Variants in ZNF630 observed in about 807,000 individuals in gnomAD.
ZNF630 encodes the protein zinc finger protein 630, also known as dJ54B20.2 (novel KRAB box containing C2H2 type zinc finger protein).
In ZNF630, 5 loss-of-function variants were observed where a neutral mutation model predicts 7.2. The observed-to-expected ratio is 0.70, with a 90% CI of 0.36 to 1.46. ZNF630 has a LOEUF of 1.46. Among genes scored for constraint, ZNF630 ranks in the 40% most tolerant of loss-of-function variants. The pLI is 0.03. For synonymous variants in ZNF630, 158 were observed against 162.8 expected (o/e 0.97, Z 0.23); for missense variants, 461 against 477.0 (o/e 0.97, Z 0.31).
intron 2 of ZNF630, among the ~76,000 whole-genome samples, chrX:48,063,642 C>A (rs1556909570): frequency 9.0e-6 from 1 of 111,159 alleles, no homozygotes; most frequent in Admixed American, 9.6e-5. Context: ...AATCCCAGCA[C>A]TTTGGGAGGC....
chrX:48,063,525 C>T (rs1040597598), intron 2 of ZNF630, among the ~76,000 whole-genome samples: 1 of 110,788 alleles, frequency 9.0e-6, no homozygotes, highest in Non-Finnish European at 1.9e-5. Context: ...GGAGGGGGAA[C>T]CTTGGGAAAC....
chrX:48,066,918 C>A lies in ZNF630; in HGVS notation c.-32G>T. 8.3e-7 allele frequency: 1 copy of A among 1,197,929 alleles called. No homozygotes were observed. The highest frequency in any genetic ancestry group is 1.1e-6 in the Non-Finnish European group (1 of 885,574). ...TTTCTCTTTGGAAAGCAGTTGGGGG[C>A]GGGGTGGGGTGCAGAAGAGTCTTCG... On this transcript the variant is annotated 5_prime_UTR_variant, in exon 2 of 5. Transcript: ENST00000276054.
In ZNF630 at chrX:48,060,029, T is replaced by G; in HGVS notation, c.413A>C (p.Gln138Pro). Residue 138 changes from glutamine to proline, a missense_variant, in exon 5 of 5, where the codon CAG becomes CCG. Coordinates refer to ENST00000276054, the MANE Select transcript of ZNF630 (RefSeq NM_001282201.2). ...YQGNQDRVLRQVTVISRETLT... is the reference protein window; with the variant it reads ...YQGNQDRVLRPVTVISRETLT... ...TGTTTCACGACTGATGACTGTGACC[T>G]GCCTCAAAACTCTGTCTTGATTTCC... The G allele has an allele frequency of 8.3e-7, 1 of 1,205,682 alleles. No homozygotes were observed. Among genetic ancestry groups the G allele is most frequent in the African/African-American group, 1.8e-5 (1 of 56,606 alleles).
Position 48,060,844 on chromosome X carries a change from C to T in ZNF630, c.117G>A (p.Glu39=), listed in dbSNP as rs782575275. The change falls in exon 3 of 5, where the codon GAG becomes GAA. Residue 39 remains glutamate (E), a synonymous_variant. Transcript: ENST00000276054. ...QKTLHRDVML[E]TYNHLVSVGC... ...CCACGGAGACCAGGTGATTATAGGT[C>T]TCCAGCATCACATCCCTATGCAGGG... 6.7e-6 allele frequency: 8 copies of T among 1,202,207 alleles called. No individual in the cohort carries two copies. The highest frequency in any genetic ancestry group is 2.3e-4 in the Middle Eastern group (1 of 4,362).
Position 48,070,079 on chromosome X carries a change from C to T in ZNF630, c.-176+1188G>A, listed in dbSNP as rs781864909. 7.2e-3 allele frequency among the ~76,000 whole-genome samples: 766 copies of T among 106,565 alleles called. 8 individuals carry two copies. The highest frequency in any genetic ancestry group is 0.011 in the Non-Finnish European group (591 of 51,619). 92.5% of individuals were successfully genotyped at this position (106,565 alleles called of 115,157 possible). A position where few individuals can be genotyped will look rare whatever the true frequency, so the allele number is the denominator to read the frequency against. On this transcript the variant is annotated intron_variant, in intron 1 of 4. Coordinates refer to ENST00000276054, the MANE Select transcript of ZNF630 (RefSeq NM_001282201.2). Reference sequence around the variant, plus strand: ...TTCACCGTGTTAGCCAGGATGGTCTCGATTTCCTGACCTCGTGATCCGGCC... The same window carrying T: ...TTCACCGTGTTAGCCAGGATGGTCTTGATTTCCTGACCTCGTGATCCGGCC...
chrX:48,061,897 C>A, intron 2 of ZNF630: 1 of 232,667 alleles, frequency 4.3e-6, no homozygotes, highest in African/African-American at 2.9e-5. Context: ...TTGGGTATTT[C>A]TTTATAGTGA....
At chrX:48,066,016 C>T (rs1408355881) in intron 2 of ZNF630, among the ~76,000 whole-genome samples, 3 of 111,046 alleles carry the variant, frequency 2.7e-5, no homozygotes, top group Non-Finnish European at 5.7e-5. Context: ...TCTCTACTTT[C>T]GTATATATTT....
intron 2 of ZNF630, among the ~76,000 whole-genome samples, chrX:48,062,750 C>T (rs2059111387): frequency 9.1e-6 from 1 of 110,020 alleles, no homozygotes. Flanking sequence ...AAACAAACAA[C>T]CAGCCTGGGC....
At chrX:48,061,033 C>A in intron 2 of ZNF630, 88 bp from the exon 3 acceptor site, 1 of 893,390 alleles carries the variant, frequency 1.1e-6, no homozygotes, top group Non-Finnish European at 1.5e-6. Context: ...GCACTTTGCC[C>A]AGCATACTTT....
intron 2 of ZNF630, chrX:48,061,796 C>T (rs562538677): frequency 5.6e-5 from 18 of 320,769 alleles, no homozygotes; most frequent in Middle Eastern, 9.9e-4. Context: ...CTTGCTTCCC[C>T]TTCCACCATG....
intron 1 of ZNF630, among the ~76,000 whole-genome samples, chrX:48,069,337 A>T (rs2059148495): frequency 9.0e-6 from 1 of 110,503 alleles, no homozygotes. Context: ...AGGGGACAAA[A>T]ATTAGTTCTT....
intron 2 of ZNF630, chrX:48,066,244 T>C (rs1262982733): frequency 9.2e-6 from 1 of 109,257 alleles, no homozygotes; most frequent in African/African-American, 3.3e-5. Context: ...AGAAGTAAGA[T>C]TGGAGATATT....
Position 48,059,171 on chromosome X carries a change from G to A in ZNF630, c.1271C>T (p.Thr424Met), listed in dbSNP as rs782133403. Residue 424 changes from threonine (T) to methionine (M), a missense_variant, in exon 5 of 5, where the codon ACG (threonine) becomes ATG (methionine). By Grantham distance (81) the Thr-to-Met change is moderately conservative (BLOSUM62 -1). Coordinates refer to ENST00000276054, the MANE Select transcript of ZNF630 (RefSeq NM_001282201.2). Reference sequence around the variant, plus strand: ...CTTATAGGGCTTCTCTCCAGTATGCGTTCTCTGATGTATAATGAGCTGTGT... The same window carrying A: ...CTTATAGGGCTTCTCTCCAGTATGCATTCTCTGATGTATAATGAGCTGTGT... ...RKTQLIIHQR[T>M]HTGEKPYKCG... 1.4e-5 allele frequency: 17 copies of A among 1,206,272 alleles called. No individual in the cohort carries two copies. The highest frequency in any genetic ancestry group is 2.2e-5 in the Admixed American group (1 of 45,591).
At chrX:48,068,215 AAAGAAAAAAGAAAAG>A (rs202123893) in intron 1 of ZNF630, among the ~76,000 whole-genome samples, 40,880 of 92,564 alleles carry the variant, frequency 0.44, 7,639 homozygotes, top group East Asian at 0.79. Flanking sequence ...AAAGAAAAGA[AAAGAAAAAAGAAAAG>A]AAAAGAAAAG....
chrX:48,069,841 G>GTTTTTTTTTT (rs1210374790), intron 1 of ZNF630, among the ~76,000 whole-genome samples: 489 of 40,419 alleles, frequency 0.012, 1 homozygote, highest in South Asian at 0.021. Context: ...GACATTGTCT[G>GTTTTTTTTTT]TTTTTTTTTT....
In ZNF630 at chrX:48,058,930, TATG is replaced by T. The variant is rs782082734; in HGVS notation, c.1509_1511del (p.Ile504del). 2.5e-6 allele frequency: 3 copies of T among 1,206,689 alleles called. No homozygotes were observed. In the African/African-American group the frequency reaches 5.3e-5, roughly 21 times the overall value. ...TCTCCCCTGTATGAATTCTCTGGTG[TATG>T]ATAAGAGGTGATTTCTGAGAGAAGG... is the stretch of plus-strand genomic sequence containing the variant. On this transcript the variant is annotated inframe_deletion, in exon 5 of 5. Coordinates refer to ENST00000276054, the MANE Select transcript of ZNF630 (RefSeq NM_001282201.2).
chrX:48,061,209 G>GA (rs2059104095), intron 2 of ZNF630, among the ~76,000 whole-genome samples: 1 of 110,898 alleles, frequency 9.0e-6, no homozygotes, highest in Non-Finnish European at 1.9e-5. Flanking sequence ...AGAGCTATCA[G>GA]AAAAAAATTA....
intron 2 of ZNF630, among the ~76,000 whole-genome samples, chrX:48,065,278 G>A (rs1357728896): frequency 9.1e-6 from 1 of 110,035 alleles, no homozygotes; most frequent in African/African-American, 3.3e-5. Flanking sequence ...GAGGTGGGTG[G>A]ATCACCTGAG....
chrX:48,058,796 C>T lies in ZNF630; in HGVS notation c.1646G>A (p.Gly549Glu). 1.7e-6 allele frequency: 2 copies of T among 1,205,553 alleles called. No individual in the cohort carries two copies. The highest frequency in any genetic ancestry group is 2.2e-6 in the Non-Finnish European group (2 of 891,522). Reference sequence around the variant, plus strand: ...ATGTGACTTCAGGGAAAAGGCCCTCCCACACTCAGTACACTCATAAGGTTT... The same window carrying T: ...ATGTGACTTCAGGGAAAAGGCCCTCTCACACTCAGTACACTCATAAGGTTT... ...GEKPYECTEC[G>E]RAFSLKSHLI... The change falls in exon 5 of 5, where the codon GGG (glycine) becomes GAG (glutamate). Residue 549 changes from glycine (G) to glutamate (E), a missense_variant. Transcript: ENST00000276054.
Sources: gnomAD v4.1 joint callset for allele counts (sites outside exome capture counted in the v4.1 genomes callset) on GRCh38, gnomAD v4.1.1 for gene constraint, MANE v1.5 for transcripts, NCBI Gene and HGNC (gene_info 2026-07-23, HGNC 2026-07-21) for gene names.